Variants in ADARB1 observed in about 807,000 individuals in gnomAD.
The protein encoded by ADARB1 is adenosine deaminase RNA specific B1.
ADARB1 carries 10 observed loss-of-function variants against 52.4 expected under a neutral mutation model. That is an observed-to-expected ratio of 0.19 (90% CI 0.12 to 0.32). The LOEUF (loss-of-function observed/expected upper bound fraction) is 0.32. Among genes scored for constraint, ADARB1 ranks in the 10% least tolerant of loss-of-function variants. ADARB1 has a pLI of 1.00. For synonymous variants in ADARB1, 349 were observed against 371.1 expected (o/e 0.94, Z 0.68); for missense variants, 643 against 922.3 (o/e 0.70, Z 3.92).
At chr21:45,146,018 C>G (rs2089986748) in intron 2 of ADARB1, 3 of 152,050 alleles carry the variant, frequency 2.0e-5, no homozygotes, top group African/African-American at 7.3e-5. Context: ...TGGCTGTTGT[C>G]ACTGCCTGTG....
At position 45,122,951 on chromosome 21, in the gene ADARB1, G is replaced by C. The variant is rs568000545; in HGVS notation, c.-219-5451G>C. On this transcript the variant is annotated intron_variant, in intron 1 of 10. Transcript: ENST00000348831. Reference sequence around the variant, plus strand: ...CTGAGACCGTGGCAGGCAGACAGCTGGTTGCAGTGGTTGGTTAGTTGTTTC... The same window carrying C: ...CTGAGACCGTGGCAGGCAGACAGCTCGTTGCAGTGGTTGGTTAGTTGTTTC... Among the ~76,000 whole-genome samples the C allele has an allele frequency of 1.5e-4, 23 of 152,300 alleles. No homozygotes were observed. In the South Asian group the frequency reaches 4.4e-3, roughly 29 times the overall value.
chr21:45,184,968 G>A lies in ADARB1; in HGVS notation c.1442G>A (p.Arg481Gln). 1 of 1,614,014 alleles carries A rather than the reference G, an allele frequency of 6.2e-7. No homozygotes were observed. The highest frequency in any genetic ancestry group is 8.5e-7 in the Non-Finnish European group (1 of 1,179,918). The change falls in exon 8 of 11, where the codon CGG becomes CAG. Residue 481 changes from arginine to glutamine, a missense_variant. Physicochemically the swap from Arg to Gln is conservative, Grantham distance 43 (BLOSUM62 1). This residue lies in a region of ADARB1 where 263 missense variants were observed against 475.8 expected (regional missense o/e 0.55). Coordinates refer to ENST00000348831, the MANE Select transcript of ADARB1 (RefSeq NM_001112.4). ...AATCGTAAAGCAAGAGGACAGCTAC[G>A]GACCAAAATAGAGTCTGGTGAGGGG... is the stretch of plus-strand genomic sequence containing the variant. The part of the protein sequence containing the change: ...HPNRKARGQL[R>Q]TKIESGEGTI...
At chr21:45,154,193 A>G (rs1459208411) in intron 2 of ADARB1, among the ~76,000 whole-genome samples, 2 of 152,232 alleles carry the variant, frequency 1.3e-5, no homozygotes, top group Non-Finnish European at 2.9e-5. Context: ...GACCAAGGTT[A>G]TAAGAAATTG....
intron 1 of ADARB1, among the ~76,000 whole-genome samples, chr21:45,082,861 G>A (rs534341691): frequency 2.2e-4 from 34 of 152,208 alleles, no homozygotes; most frequent in South Asian, 6.2e-4. Context: ...ACCAGCAGTC[G>A]GATCTGAGCC....
chr21:45,187,538 A>G (rs1186655275), intron 8 of ADARB1, among the ~76,000 whole-genome samples: 1 of 152,148 alleles, frequency 6.6e-6, no homozygotes, highest in African/African-American at 2.4e-5. Flanking sequence ...AGAACTTCTA[A>G]TACTGTGTTA....
At position 45,223,646 on chromosome 21, in the gene ADARB1, G is replaced by T. The variant is rs185671164; in HGVS notation, c.*1449G>T. ...CCCCACAGCATACACCTGCCACAGC[G>T]AAATCCAGGGTGTTGGCACCTGTGT... is the stretch of plus-strand genomic sequence containing the variant. On this transcript the variant is annotated 3_prime_UTR_variant, in exon 11 of 11. Transcript: ENST00000348831. 2 of 985,524 alleles carry T rather than the reference G, an allele frequency of 2.0e-6. No individual in the cohort carries two copies. The highest frequency in any genetic ancestry group is 6.1e-5 in the Admixed American group (1 of 16,274). The allele number at this position is 985,524 out of a possible 1,614,324, so 61.0% of individuals were successfully genotyped here. A position where few individuals can be genotyped will look rare whatever the true frequency, so the allele number is the denominator to read the frequency against.
intron 1 of ADARB1, among the ~76,000 whole-genome samples, chr21:45,116,487 G>A (rs888849137): frequency 5.3e-5 from 8 of 152,336 alleles, no homozygotes; most frequent in African/African-American, 7.2e-5. Context: ...AGCAACTTTT[G>A]TTATTATTTT....
Position 45,226,420 on chromosome 21 carries a change from T to C in ADARB1, c.*4223T>C, listed in dbSNP as rs1014992511. On this transcript the variant is annotated 3_prime_UTR_variant, in exon 11 of 11. Transcript: ENST00000348831. ...GAGATGCAATCCTCAGTGTTCTCTGTATGTAAATCTGTGTATACACCACAC... is the reference window on the plus strand; with the variant it reads ...GAGATGCAATCCTCAGTGTTCTCTGCATGTAAATCTGTGTATACACCACAC... 2 of 152,666 alleles carry C rather than the reference T, an allele frequency of 1.3e-5. No homozygotes were observed. The highest frequency in any genetic ancestry group is 2.9e-5 in the Non-Finnish European group (2 of 68,054). The allele number at this position is 152,666 out of a possible 1,614,324, so 9.5% of individuals were successfully genotyped here.
chr21:45,137,394 C>G (rs1179965559), intron 2 of ADARB1: 4 of 152,330 alleles, frequency 2.6e-5, no homozygotes. Context: ...TTAACCTACG[C>G]CATCGCCATG....
intron 9 of ADARB1, among the ~76,000 whole-genome samples, chr21:45,217,620 G>A (rs1034927831): frequency 5.9e-5 from 9 of 151,906 alleles, no homozygotes; most frequent in Admixed American, 2.0e-4. Flanking sequence ...AAAACCTCTT[G>A]TATATTTATC....
chr21:45,159,195 G>A (rs2090831039), intron 2 of ADARB1, among the ~76,000 whole-genome samples: 3 of 152,166 alleles, frequency 2.0e-5, no homozygotes, highest in Non-Finnish European at 4.4e-5. Context: ...AATCATGACG[G>A]AAGATGAAGG....
At chr21:45,216,111 A>T (rs943099915) in intron 9 of ADARB1, among the ~76,000 whole-genome samples, 2 of 152,170 alleles carry the variant, frequency 1.3e-5, no homozygotes, top group East Asian at 3.8e-4. Flanking sequence ...ATATTGGCAT[A>T]AAAGCATTCA....
chr21:45,193,981 C>G (rs1039142389), intron 8 of ADARB1, among the ~76,000 whole-genome samples: 1 of 152,086 alleles, frequency 6.6e-6, no homozygotes, highest in African/African-American at 2.4e-5. Flanking sequence ...AAACTGATTC[C>G]AAAATCCATA....
At chr21:45,091,706 A>G (rs2086567403) in intron 1 of ADARB1, among the ~76,000 whole-genome samples, 2 of 152,184 alleles carry the variant, frequency 1.3e-5, no homozygotes, top group South Asian at 4.1e-4. Context: ...ATGTTTGCTC[A>G]TGCTCTGGTG....
chr21:45,097,488 A>C (rs997360737), intron 1 of ADARB1, among the ~76,000 whole-genome samples: 1 of 151,646 alleles, frequency 6.6e-6, no homozygotes, highest in Non-Finnish European at 1.5e-5. Flanking sequence ...GGGGGCATGA[A>C]CTCAGAGTTG....
chr21:45,179,090 C>A (rs1197211875), intron 4 of ADARB1, among the ~76,000 whole-genome samples: 1 of 152,150 alleles, frequency 6.6e-6, no homozygotes, highest in Non-Finnish European at 1.5e-5. Flanking sequence ...CCCTCTGGCA[C>A]CCTGGCCAAT....
intron 1 of ADARB1, among the ~76,000 whole-genome samples, chr21:45,084,434 G>A (rs1325951790): frequency 6.6e-6 from 1 of 152,232 alleles, no homozygotes; most frequent in Non-Finnish European, 1.5e-5. Context: ...TAGGGGTTAA[G>A]CGGGCTTAGG....
chr21:45,223,497 G>C lies in ADARB1; in HGVS notation c.*1300G>C, dbSNP rs181606804. On this transcript the variant is annotated 3_prime_UTR_variant, in exon 11 of 11. Coordinates refer to ENST00000348831, the MANE Select transcript of ADARB1 (RefSeq NM_001112.4). ...TTGCACCAGGTGCCTTGTTGCCTCC[G>C]CTCAGGATGAAAGAGGAGCTGAGAG... 4 of 985,654 alleles carry C rather than the reference G, an allele frequency of 4.1e-6. No homozygotes were observed. Among genetic ancestry groups the C allele is most frequent in the Non-Finnish European group, 4.8e-6 (4 of 830,102 alleles). The allele number at this position is 985,654 out of a possible 1,614,324, so 61.1% of individuals were successfully genotyped here.
rs1361886946 is a variant in ADARB1 at position 45,118,723 on chromosome 21, C to T, written c.-219-9679C>T. The stretch of plus-strand genomic sequence containing the variant: ...CCGGATCTGCTTCTCTTCCAGCCCG[C>T]GTGCCCATATTGGGATCACCCCTTA... On this transcript the variant is annotated intron_variant, in intron 1 of 10. Coordinates refer to ENST00000348831, the MANE Select transcript of ADARB1 (RefSeq NM_001112.4). 2.0e-5 allele frequency: 3 copies of T among 152,176 alleles called. No homozygotes were observed. In the South Asian group the frequency reaches 6.2e-4, roughly 32 times the overall value. The allele number at this position is 152,176 out of a possible 1,614,324, so 9.4% of individuals were successfully genotyped here. A position where few individuals can be genotyped will look rare whatever the true frequency, so the allele number is the denominator to read the frequency against.
Sources: allele counts gnomAD v4.1 joint callset (sites outside exome capture counted in the v4.1 genomes callset), GRCh38; gene constraint gnomAD v4.1.1; regional missense constraint gnomAD v4.1.1; transcripts MANE v1.5; gene names NCBI Gene and HGNC (gene_info 2026-07-23, HGNC 2026-07-21).